MPDZ: variants seen among roughly 807,000 people sequenced by gnomAD.
MPDZ encodes multiple PDZ domain crumbs cell polarity complex component.
MPDZ carries 234 observed loss-of-function variants against 239.1 expected under a neutral mutation model. The ratio of observed to expected loss-of-function variants is 0.98; its 90% confidence interval spans 0.88 to 1.09. MPDZ has a LOEUF of 1.09. MPDZ is among the 50% of genes least tolerant of loss of function. MPDZ has a pLI of 0.00. For synonymous variants in MPDZ, 1,048 were observed against 881.3 expected, an observed-to-expected ratio of 1.19 and a Z score of -3.35; for missense variants, 3,175 against 2,510.0, an observed-to-expected ratio of 1.26 and a Z score of -5.66.
At position 13,263,198 on chromosome 9, in the gene MPDZ, T is replaced by C. The variant is rs940765440; in HGVS notation, c.-57-12826A>G. On this transcript the variant is annotated intron_variant, in intron 1 of 46. Coordinates refer to ENST00000319217, the MANE Select transcript of MPDZ (RefSeq NM_001378778.1). ...ACAAGAGAAGAAACAAGACTGACCATGAACTAGTAGTTGTTAAAACAGAAT... is the reference window on the plus strand; with the variant it reads ...ACAAGAGAAGAAACAAGACTGACCACGAACTAGTAGTTGTTAAAACAGAAT... Among the ~76,000 whole-genome samples, 9 of 152,148 alleles carry C rather than the reference T, an allele frequency of 5.9e-5. No individual in the cohort carries two copies. The East Asian group carries it at 1.5e-3, about 26-fold the overall frequency.
intron 26 of MPDZ, 40 bp from the exon 27 acceptor site, chr9:13,143,604 G>C (rs1404205980): frequency 6.6e-7 from 1 of 1,525,928 alleles, no homozygotes; most frequent in African/African-American, 1.4e-5. Flanking sequence ...CAAAGGAAAT[G>C]TATTGAAAAC....
At chr9:13,138,191 T>TA (rs777243171) in intron 28 of MPDZ, 38 bp from the exon 29 acceptor site, 3 of 1,490,686 alleles carry the variant, frequency 2.0e-6, no homozygotes, top group Non-Finnish European at 2.7e-6. Flanking sequence ...TATTTACAGT[T>TA]AATTTACAGT....
rs377352804 is a variant in MPDZ, at chr9:13,190,238, A to G, written c.2030T>C (p.Met677Thr). The change falls in exon 16 of 47, where the codon ATG becomes ACG. Residue 677 changes from methionine to threonine, a missense_variant. By Grantham distance (81) the Met-to-Thr change is moderately conservative. Transcript: ENST00000319217. ...SSETEDPVLAMTDAGQSTEEV... is the reference protein window; with the variant it reads ...SSETEDPVLATTDAGQSTEEV... ...TTCTGTACTCTGACCCGCATCAGTC[A>G]TCGCCAGCACTGGATCCTCTGTCTC... is the stretch of plus-strand genomic sequence containing the variant. The G allele has an allele frequency of 1.2e-6, 2 of 1,612,548 alleles. No individual in the cohort carries two copies. Among genetic ancestry groups the G allele is most frequent in the Non-Finnish European group, 1.7e-6 (2 of 1,179,392 alleles).
At chr9:13,167,836 C>G (rs1317793958) in intron 22 of MPDZ, among the ~76,000 whole-genome samples, 1 of 152,104 alleles carries the variant, frequency 6.6e-6, no homozygotes, top group African/African-American at 2.4e-5. Flanking sequence ...AAAATATCCT[C>G]CATGACCTAC....
chr9:13,278,455 C>T (rs1281506184), intron 1 of MPDZ, among the ~76,000 whole-genome samples: 1 of 152,184 alleles, frequency 6.6e-6, no homozygotes, highest in Admixed American at 6.5e-5. Flanking sequence ...GCAGTCTCCG[C>T]TTGATTTCCA....
At chr9:13,261,867 C>A (rs1369193064) in intron 1 of MPDZ, among the ~76,000 whole-genome samples, 44 of 98,254 alleles carry the variant, frequency 4.5e-4, no homozygotes, top group African/African-American at 1.4e-3. Flanking sequence ...CCTGTCTCTA[C>A]AAAAAAAAAA....
rs748542526 is a variant in MPDZ, at chr9:13,247,653, T to C, written c.165A>G (p.Val55=). ...GTCCTACCTGGTCTTTCAGCTGCTG[T>C]ACAGAAGTCTGAAGGCTCAGAATCT... The part of the protein sequence containing the change: ...FSQILSLQTS[V]QQLKDQVNIA... Residue 55 remains valine (V), a synonymous_variant, in exon 3 of 47, where the codon GTA becomes GTG. Coordinates refer to ENST00000319217, the MANE Select transcript of MPDZ (RefSeq NM_001378778.1). 6.2e-7 allele frequency: 1 copy of C among 1,613,050 alleles called. No individual in the cohort carries two copies. Among genetic ancestry groups the C allele is most frequent in the Non-Finnish European group, 8.5e-7 (1 of 1,179,204 alleles).
At chr9:13,146,916 G>T (rs1948508397) in intron 26 of MPDZ, among the ~76,000 whole-genome samples, 1 of 151,866 alleles carries the variant, frequency 6.6e-6, no homozygotes, top group Non-Finnish European at 1.5e-5. Context: ...GTTTTTTAAT[G>T]CTATTTTACC....
intron 22 of MPDZ, among the ~76,000 whole-genome samples, chr9:13,164,388 T>A (rs1168030597): frequency 6.6e-6 from 1 of 151,824 alleles, no homozygotes; most frequent in Non-Finnish European, 1.5e-5. Context: ...TTTTAAACAA[T>A]GAAAAAATAA....
chr9:13,137,488 G>C (rs116134609), intron 29 of MPDZ, among the ~76,000 whole-genome samples: 1,552 of 152,228 alleles, frequency 0.01, 21 homozygotes, highest in African/African-American at 0.036. Flanking sequence ...ATAAAGTATG[G>C]TCCACAAATT....
intron 23 of MPDZ, among the ~76,000 whole-genome samples, chr9:13,159,853 AGTGT>A (rs748470685): frequency 1.4e-4 from 21 of 152,272 alleles, no homozygotes; most frequent in Non-Finnish European, 2.4e-4. Flanking sequence ...TACTCATCTT[AGTGT>A]GTGGTTTCAG....
intron 32 of MPDZ, among the ~76,000 whole-genome samples, chr9:13,127,580 T>C (rs1254305424): frequency 1.3e-5 from 2 of 152,300 alleles, no homozygotes; most frequent in African/African-American, 4.8e-5. Context: ...AATCTTGACA[T>C]GGTTTCTCTG....
intron 10 of MPDZ, 35 bp downstream of exon 10, chr9:13,216,739 A>T (rs372085894): frequency 1.7e-4 from 247 of 1,453,988 alleles, no homozygotes; most frequent in Middle Eastern, 3.5e-4. Context: ...TCAACCATGA[A>T]AATTAACAAA....
chr9:13,217,762 A>G (rs770924129), intron 8 of MPDZ, among the ~76,000 whole-genome samples: 1 of 151,784 alleles, frequency 6.6e-6, no homozygotes, highest in African/African-American at 2.4e-5. Context: ...CAACAACTAG[A>G]CCAGCTACCA....
chr9:13,270,800 G>T (rs1043646148), intron 1 of MPDZ, among the ~76,000 whole-genome samples: 2 of 152,044 alleles, frequency 1.3e-5, no homozygotes, highest in African/African-American at 4.8e-5. Flanking sequence ...CTCTTGGGGT[G>T]TTTGATGATC....
chr9:13,127,440 C>T (rs1587005583), intron 32 of MPDZ, among the ~76,000 whole-genome samples: 2 of 152,192 alleles, frequency 1.3e-5, no homozygotes, highest in East Asian at 3.9e-4. Flanking sequence ...GAAATATTGG[C>T]TTTTAGCTTT....
intron 24 of MPDZ, among the ~76,000 whole-genome samples, chr9:13,153,497 G>A (rs1949454617): frequency 6.6e-6 from 1 of 152,026 alleles, no homozygotes; most frequent in East Asian, 1.9e-4. Context: ...AGTCTGGAGT[G>A]CAGTGGCATG....
At chr9:13,268,856 G>A (rs573887186) in intron 1 of MPDZ, among the ~76,000 whole-genome samples, 1 of 152,354 alleles carries the variant, frequency 6.6e-6, no homozygotes, top group East Asian at 1.9e-4. Flanking sequence ...CTGCAGGCAT[G>A]CTGGACCATG....
At position 13,233,798 on chromosome 9, in the gene MPDZ, A is replaced by T. The variant is rs908094719; in HGVS notation, c.184-9215T>A. Among the ~76,000 whole-genome samples, 3 of 152,146 alleles carry T rather than the reference A, an allele frequency of 2.0e-5. No individual in the cohort carries two copies. In the South Asian group the frequency reaches 6.2e-4, roughly 32 times the overall value. On this transcript the variant is annotated intron_variant, in intron 3 of 46. Coordinates refer to ENST00000319217, the MANE Select transcript of MPDZ (RefSeq NM_001378778.1). Reference sequence around the variant, plus strand: ...ACACCTTGTCTATCCGCAACTATGAATTTAAAGTTCATTCACCAGACATTC... The same window carrying T: ...ACACCTTGTCTATCCGCAACTATGATTTTAAAGTTCATTCACCAGACATTC...
Sources: gnomAD v4.1 joint callset for allele counts (sites outside exome capture counted in the v4.1 genomes callset) on GRCh38, gnomAD v4.1.1 for gene constraint, MANE v1.5 for transcripts, NCBI Gene and HGNC (gene_info 2026-07-23, HGNC 2026-07-21) for gene names.